The following ZNF469 variants were observed in gnomAD, a reference collection of about 807,000 sequenced individuals.
ZNF469 encodes zinc finger protein 469.
ZNF469 carries 1 observed loss-of-function variant against 1.0 expected under a neutral mutation model. The ratio of observed to expected loss-of-function variants is 1.00; its 90% CI spans 0.35 to 4.73. The LOEUF is 4.73. Among genes scored for constraint, ZNF469 ranks in the 30% most tolerant of loss-of-function variants. The probability of loss-of-function intolerance (pLI) is 0.16; values close to 1 mark genes in which losing one functional copy is unlikely to be tolerated. For synonymous variants in ZNF469, 2,703 were observed against 2,363.4 expected (o/e 1.14, Z -4.17); for missense variants, 6,100 against 5,356.3 (o/e 1.14, Z -4.33).
chr16:88,333,720 G>GGAAGGCATTTCCATTCTTCCCACA, the ZNF469 span, among the ~76,000 whole-genome samples: 1 of 152,216 alleles, frequency 6.6e-6, no homozygotes, highest in African/African-American at 2.4e-5. Flanking sequence ...TTCTTCCCAC[G>GGAAGGCATTTCCATTCTTCCCACA]GATGCGGGCC....
the ZNF469 span, among the ~76,000 whole-genome samples, chr16:88,259,139 C>T: frequency 1.7e-3 from 265 of 152,376 alleles, 2 homozygotes; most frequent in South Asian, 5.6e-3. This position sits in a 1 kb window ranked among gnomAD's most constrained non-coding sequence, Gnocchi z 4.1. Flanking sequence ...AAAAGCCATG[C>T]CACAAGGCAG....
At chr16:88,261,078 C>G in the ZNF469 span, among the ~76,000 whole-genome samples, 1 of 152,114 alleles carries the variant, frequency 6.6e-6, no homozygotes, top group Non-Finnish European at 1.5e-5. This position sits in a 1 kb window ranked among gnomAD's most constrained non-coding sequence, Gnocchi z 6.0. Context: ...GTTCTAACAG[C>G]TGGGATGCGG....
the ZNF469 span, among the ~76,000 whole-genome samples, chr16:88,204,088 G>A: frequency 4.0e-5 from 6 of 151,086 alleles, no homozygotes; most frequent in Non-Finnish European, 7.4e-5. Context: ...TAACCCCATA[G>A]AGCAGCCGGA....
chr16:88,299,606 G>A, the ZNF469 span, among the ~76,000 whole-genome samples: 20 of 152,302 alleles, frequency 1.3e-4, no homozygotes, highest in African/African-American at 4.1e-4. Flanking sequence ...CGGTGTGGGC[G>A]GTGGCAGTCT....
the ZNF469 span, among the ~76,000 whole-genome samples, chr16:88,369,719 T>A: frequency 6.6e-6 from 1 of 152,192 alleles, no homozygotes; most frequent in African/African-American, 2.4e-5. Flanking sequence ...CAGAGCAGGC[T>A]CTTGCAGAGC....
chr16:88,235,783 C>G, the ZNF469 span, among the ~76,000 whole-genome samples: 85 of 152,294 alleles, frequency 5.6e-4, no homozygotes, highest in Admixed American at 1.5e-3. Flanking sequence ...GAGCGTGACC[C>G]GTGACACAGC....
At chr16:88,179,354 T>G in the ZNF469 span, among the ~76,000 whole-genome samples, 1 of 152,128 alleles carries the variant, frequency 6.6e-6, no homozygotes, top group Non-Finnish European at 1.5e-5. Flanking sequence ...GGCCCCTCCC[T>G]CCCTTTGGCT....
At position 88,429,730 on chromosome 16, in the gene ZNF469, G is replaced by A; in HGVS notation, c.2260G>A (p.Gly754Ser). The change falls in exon 3 of 3, where the codon GGC (glycine) becomes AGC (serine). Residue 754 changes from glycine to serine, a missense_variant. By Grantham distance (56) the Gly-to-Ser change is moderately conservative. Transcript: ENST00000565624. ...CTTCCTGGCCCACCGGCAGTTCTGT[G>A]GCCTGCTCCTGGCCAGGGCCAAGGA... is the stretch of plus-strand genomic sequence containing the variant. The part of the protein sequence containing the change: ...AAFLAHRQFC[G>S]LLLARAKDGH... 1.3e-6 allele frequency: 2 copies of A among 1,544,644 alleles called. No homozygotes were observed. The highest frequency in any genetic ancestry group is 1.7e-6 in the Non-Finnish European group (2 of 1,144,336).
chr16:88,201,926 T>C, the ZNF469 span, among the ~76,000 whole-genome samples: 1 of 152,178 alleles, frequency 6.6e-6, no homozygotes, highest in Non-Finnish European at 1.5e-5. This position sits in a 1 kb window ranked among gnomAD's most constrained non-coding sequence, Gnocchi z 5.0. Context: ...TGTCTCTTGA[T>C]GGCCTGGGGC....
chr16:88,208,317 G>A, the ZNF469 span, among the ~76,000 whole-genome samples: 5 of 151,572 alleles, frequency 3.3e-5, no homozygotes, highest in East Asian at 7.8e-4. Context: ...TCCCTGTCAC[G>A]TGCCGCAATC....
the ZNF469 span, among the ~76,000 whole-genome samples, chr16:88,168,499 G>T: frequency 6.6e-6 from 1 of 152,130 alleles, no homozygotes; most frequent in East Asian, 1.9e-4. The surrounding 1 kb of genome is among the most constrained non-coding windows in gnomAD (Gnocchi z 4.3). Flanking sequence ...CCTTGTGTGG[G>T]GTTGCTCGTG....
At chr16:88,222,782 A>G in the ZNF469 span, among the ~76,000 whole-genome samples, 1 of 151,800 alleles carries the variant, frequency 6.6e-6, no homozygotes, top group Non-Finnish European at 1.5e-5. Flanking sequence ...AAAACATTCT[A>G]GAGACATGCT....
the ZNF469 span, among the ~76,000 whole-genome samples, chr16:88,303,609 G>A: frequency 6.6e-6 from 1 of 152,198 alleles, no homozygotes; most frequent in Non-Finnish European, 1.5e-5. Flanking sequence ...GAGGGCATGG[G>A]GTCCAGCTCC....
chr16:88,331,578 CCACCACCACCAT>C, the ZNF469 span, among the ~76,000 whole-genome samples: 2 of 148,704 alleles, frequency 1.3e-5, no homozygotes, highest in East Asian at 2.0e-4. Flanking sequence ...ACCACCACCA[CCACCACCACCAT>C]CACCACTATC....
At chr16:88,210,911 G>T in the ZNF469 span, among the ~76,000 whole-genome samples, 1 of 152,118 alleles carries the variant, frequency 6.6e-6, no homozygotes, top group Non-Finnish European at 1.5e-5. Context: ...TTTTCATATA[G>T]GTTTTCATAT....
chr16:88,334,814 G>T, the ZNF469 span, among the ~76,000 whole-genome samples: 1 of 151,834 alleles, frequency 6.6e-6, no homozygotes, highest in Admixed American at 6.6e-5. Flanking sequence ...AGATGAGGGA[G>T]CCGTGTGGGA....
At chr16:88,387,949 C>G (rs1395787421) in intron 1 of ZNF469, among the ~76,000 whole-genome samples, 1 of 152,242 alleles carries the variant, frequency 6.6e-6, no homozygotes, top group African/African-American at 2.4e-5. Context: ...GTCCTCAGAG[C>G]TCTGGGGCCA....
chr16:88,336,466 C>T, the ZNF469 span, among the ~76,000 whole-genome samples: 1 of 151,122 alleles, frequency 6.6e-6, no homozygotes, highest in Admixed American at 6.6e-5. Context: ...CACTAACATG[C>T]CAATACCACG....
chr16:88,135,771 T>TTTTC, the ZNF469 span, among the ~76,000 whole-genome samples: 1 of 141,400 alleles, frequency 7.1e-6, no homozygotes, highest in Non-Finnish European at 1.6e-5. Flanking sequence ...TTTTTTTTTT[T>TTTTC]TTTTTTTGGG....
Sources: gnomAD v4.1 joint callset for allele counts (sites outside exome capture counted in the v4.1 genomes callset) on GRCh38, gnomAD v4.1.1 for gene constraint, Gnocchi (gnomAD v3.1) non-coding constraint, MANE v1.5 for transcripts, NCBI Gene and HGNC (gene_info 2026-07-23, HGNC 2026-07-21) for gene names.